The following SSRP1 variants were observed in gnomAD, a reference collection of about 807,000 sequenced individuals.
SSRP1 encodes structure specific recognition protein 1.
In SSRP1, 21 loss-of-function variants were observed where a neutral mutation model predicts 84.4. The observed-to-expected ratio is 0.25, with a 90% CI of 0.18 to 0.36. SSRP1 has a LOEUF of 0.36. Ranked by LOEUF, SSRP1 falls within the 10% of genes least tolerant of loss-of-function variation. SSRP1 has a pLI of 1.00. For synonymous variants in SSRP1, 319 were observed against 318.3 expected (o/e 1.00, Z -0.02); for missense variants, 519 against 900.8 (o/e 0.58, Z 5.43).
At chr11:57,331,078 G>A (rs1268394234) in intron 9 of SSRP1, 151 bp from the exon 10 acceptor site, 11 of 777,384 alleles carry the variant, frequency 1.4e-5, no homozygotes, top group Non-Finnish European at 2.1e-5. Flanking sequence ...ACCCCCAGAG[G>A]ACAGCAGTAA....
rs1275809947 is a variant in SSRP1 at position 57,326,805 on chromosome 11, G to A, written c.1956C>T (p.Ser652=). Residue 652 remains serine, a synonymous_variant, in exon 16 of 17, where the codon TCC becomes TCT. Coordinates refer to ENST00000278412, the MANE Select transcript of SSRP1 (RefSeq NM_003146.3). The stretch of plus-strand genomic sequence containing the variant: ...TGAAGCTCTCGCTTAGCTGCCTTGA[G>A]GACGACTTGGATGATGAGCCCCTAG... ...TPSRGSSSKS[S]SRQLSESFKS... 6.2e-7 allele frequency: 1 copy of A among 1,614,234 alleles called. No homozygotes were observed. The highest frequency in any genetic ancestry group is 2.2e-5 in the East Asian group (1 of 44,888).
At position 57,332,811 on chromosome 11, in the gene SSRP1, G is replaced by A. The variant is rs774936831; in HGVS notation, c.582C>T (p.Ala194=). 4 of 1,614,022 alleles carry A rather than the reference G, an allele frequency of 2.5e-6. No individual in the cohort carries two copies. The South Asian group carries it at 3.3e-5, about 13-fold the overall frequency. ...NVLSKADVIQ[A]TGDAICIFRE... is the part of the protein sequence containing the mutation. ...GGAAGATGCAGATGGCATCTCCCGT[G>A]GCCTGGATTACATCCGCCTTTGACA... The change falls in exon 6 of 17, where the codon GCC becomes GCT. Residue 194 remains alanine, a synonymous_variant. Coordinates refer to ENST00000278412, the MANE Select transcript of SSRP1 (RefSeq NM_003146.3). This position sits in a 1 kb window ranked among gnomAD's most constrained non-coding sequence, Gnocchi z 5.5.
At chr11:57,333,289 C>T (rs1000723699) in intron 4 of SSRP1, 140 bp from the exon 5 acceptor site, 2 of 1,125,496 alleles carry the variant, frequency 1.8e-6, no homozygotes, top group Admixed American at 2.1e-5. Context: ...AGGCAGTATA[C>T]TGTAGGTACT....
rs1232401028 is a variant in SSRP1 at position 57,327,748 on chromosome 11, G to C, written c.1746C>G (p.Gly582=). The C allele has an allele frequency of 6.2e-7, 1 of 1,613,886 alleles. No homozygotes were observed. The highest frequency in any genetic ancestry group is 8.5e-7 in the Non-Finnish European group (1 of 1,179,992). ...CTTTGGACATTCCCTTCCAGATCTC[G>C]CCTGCCTTCTTGGAAAGATCCGTGA... ...ISITDLSKKA[G]EIWKGMSKEK... is the part of the protein sequence containing the mutation. Residue 582 remains glycine, a synonymous_variant, in exon 14 of 17, where the codon GGC becomes GGG. Transcript: ENST00000278412.
intron 13 of SSRP1, 62 bp downstream of exon 13, chr11:57,328,234 GA>G: frequency 6.3e-7 from 1 of 1,585,720 alleles, no homozygotes; most frequent in Admixed American, 1.8e-5. Context: ...AAGGTAAAGA[GA>G]ATGCCTCCCA....
Position 57,330,462 on chromosome 11 carries a change from T to A in SSRP1, c.1297-33A>T, listed in dbSNP as rs1448271751. On this transcript the variant is annotated intron_variant, in intron 10 of 16. Coordinates refer to ENST00000278412, the MANE Select transcript of SSRP1 (RefSeq NM_003146.3). The surrounding 1 kb of genome is among the most constrained non-coding windows in gnomAD (Gnocchi z 4.0). ...GGGAAGAGTTCACGGTGGGGCCAACTCACCCTCGAGCCAGAATCCCTGCAC... is the reference window on the plus strand; with the variant it reads ...GGGAAGAGTTCACGGTGGGGCCAACACACCCTCGAGCCAGAATCCCTGCAC... 6.2e-7 allele frequency: 1 copy of A among 1,611,050 alleles called. No homozygotes were observed. Among genetic ancestry groups the A allele is most frequent in the Admixed American group, 1.7e-5 (1 of 59,960 alleles).
rs1856108655 is a variant in SSRP1 at position 57,332,301 on chromosome 11, G to A, written c.873-21C>T. On this transcript the variant is annotated intron_variant, in intron 7 of 16. Coordinates refer to ENST00000278412, the MANE Select transcript of SSRP1 (RefSeq NM_003146.3). This position sits in a 1 kb window ranked among gnomAD's most constrained non-coding sequence, Gnocchi z 5.5. Reference sequence around the variant, plus strand: ...CTTCCCTACAAAGAAAGCAAGGTGAGGTCACAACACTACTGCCTTCTAATG... The same window carrying A: ...CTTCCCTACAAAGAAAGCAAGGTGAAGTCACAACACTACTGCCTTCTAATG... 1.9e-6 allele frequency: 3 copies of A among 1,614,114 alleles called. No individual in the cohort carries two copies. The highest frequency in any genetic ancestry group is 2.5e-6 in the Non-Finnish European group (3 of 1,180,016).
chr11:57,335,508 C>T lies in SSRP1; in HGVS notation c.-120+222G>A. ...ACGAGCAGCGGAACCCCAGGGTCTGCCAGGAGCCCGCACATCGCACGCGAC... is the reference window on the plus strand; with the variant it reads ...ACGAGCAGCGGAACCCCAGGGTCTGTCAGGAGCCCGCACATCGCACGCGAC... On this transcript the variant is annotated intron_variant, in intron 1 of 16. Coordinates refer to ENST00000278412, the MANE Select transcript of SSRP1 (RefSeq NM_003146.3). This position sits in a 1 kb window ranked among gnomAD's most constrained non-coding sequence, Gnocchi z 4.6. 3.3e-6 allele frequency: 1 copy of T among 299,864 alleles called. No homozygotes were observed. The allele number at this position is 299,864 out of a possible 1,614,324, so 18.6% of individuals were successfully genotyped here.
intron 3 of SSRP1, among the ~76,000 whole-genome samples, 190 bp from the exon 4 acceptor site, chr11:57,333,730 A>G (rs531846429): frequency 1.7e-4 from 26 of 152,370 alleles, no homozygotes; most frequent in Non-Finnish European, 3.7e-4. Flanking sequence ...TGGATCTGAC[A>G]TTCCTGGTTA....
Position 57,331,682 on chromosome 11 carries a change from G to A in SSRP1, c.1209C>T (p.Phe403=). 1 of 1,613,856 alleles carries A rather than the reference G, an allele frequency of 6.2e-7. No individual in the cohort carries two copies. Among genetic ancestry groups the A allele is most frequent in the Non-Finnish European group, 8.5e-7 (1 of 1,179,756 alleles). Residue 403 remains phenylalanine (F), a synonymous_variant, in exon 9 of 17, where the codon TTC becomes TTT. Transcript: ENST00000278412. ...GAGGTTCTCACCTCTCAATGCTGCT[G>A]AAGGTATACTGAGTGCCCTGCTTGG... The part of the protein sequence containing the change: ...IETKQGTQYT[F]SSIEREEYGK...
In SSRP1 at chr11:57,335,644, T is replaced by C. The variant is rs1018199910; in HGVS notation, c.-120+86A>G. The C allele has an allele frequency of 3.1e-5, 5 of 159,888 alleles. No homozygotes were observed. The highest frequency in any genetic ancestry group is 1.2e-4 in the African/African-American group (5 of 41,668). 9.9% of individuals were successfully genotyped at this position (159,888 alleles called of 1,614,324 possible). On this transcript the variant is annotated intron_variant, in intron 1 of 16. Coordinates refer to ENST00000278412, the MANE Select transcript of SSRP1 (RefSeq NM_003146.3). This position sits in a 1 kb window ranked among gnomAD's most constrained non-coding sequence, Gnocchi z 4.6. ...TAATGGATTCGCCCGCTCCCCGCGGTTGCGAACGCGGAATGGTCCATGTCG... is the reference window on the plus strand; with the variant it reads ...TAATGGATTCGCCCGCTCCCCGCGGCTGCGAACGCGGAATGGTCCATGTCG...
At position 57,329,817 on chromosome 11, in the gene SSRP1, A is replaced by G; in HGVS notation, c.1481+276T>C. ...AAGTGGCAAGCACCAGCTCATTCCC[A>G]TTCTCTCCTCATCCAACTACGAACC... is the stretch of plus-strand genomic sequence containing the variant. On this transcript the variant is annotated intron_variant, in intron 12 of 16. Transcript: ENST00000278412. 5.5e-6 allele frequency: 3 copies of G among 541,226 alleles called. 1 individual carries two copies. Among genetic ancestry groups the G allele is most frequent in the South Asian group, 4.5e-5 (2 of 44,614 alleles). The allele number at this position is 541,226 out of a possible 1,614,324, so 33.5% of individuals were successfully genotyped here. A position where few individuals can be genotyped will look rare whatever the true frequency, so the allele number is the denominator to read the frequency against.
Position 57,328,356 on chromosome 11 carries a change from T to C in SSRP1, c.1552A>G (p.Lys518Glu). 6.2e-7 allele frequency: 1 copy of C among 1,614,204 alleles called. No homozygotes were observed. Among genetic ancestry groups the C allele is most frequent in the Non-Finnish European group, 8.5e-7 (1 of 1,180,040 alleles). The change falls in exon 13 of 17, where the codon AAA becomes GAA. Residue 518 changes from lysine to glutamate, a missense_variant. By Grantham distance (56) the Lys-to-Glu change is moderately conservative. Around this residue, in one of 7 missense-constraint regions of SSRP1, gnomAD observed 197 missense variants for 265.0 expected, o/e 0.74. Transcript: ENST00000278412. ...GCCATCTTGGCCTTTTTGAGCTGTT[T>C]CCGCTTCTTCTCATCCCGGTCACTG... ...GDSDRDEKKR[K>E]QLKKAKMAKD...
chr11:57,332,437 AG>A lies in SSRP1; in HGVS notation c.817del (p.Leu273Ter). The A allele has an allele frequency of 1.2e-6, 2 of 1,614,186 alleles. No homozygotes were observed. The highest frequency in any genetic ancestry group is 1.7e-6 in the Non-Finnish European group (2 of 1,180,026). Reference protein sequence around the residue: ...IKQGQTRYHFLILLFSKDEDI... With the variant: ...IKQGQTRYHFXILLFSKDEDI... ...CTCGTCCTTGGAGAAGAGGAGGATC[AG>A]GAAGTGGTAGCGAGTTTGGCCTTGC... On this transcript the variant is annotated frameshift_variant, in exon 7 of 17. Transcript: ENST00000278412. LOFTEE classifies it high-confidence loss of function. The surrounding 1 kb of genome is among the most constrained non-coding windows in gnomAD (Gnocchi z 5.5).
Position 57,328,286 on chromosome 11 carries a change from A to G in SSRP1, c.1611+11T>C. 3 of 1,613,780 alleles carry G rather than the reference A, an allele frequency of 1.9e-6. No homozygotes were observed. Among genetic ancestry groups the G allele is most frequent in the South Asian group, 2.2e-5 (2 of 91,032 alleles). ...GCACCACACACAGGCCCTCCCATCT[A>G]CAGTCTGCACCTCCACAGGCTTCTT... On this transcript the variant is annotated intron_variant, in intron 13 of 16. Coordinates refer to ENST00000278412, the MANE Select transcript of SSRP1 (RefSeq NM_003146.3).
chr11:57,331,881 CCT>C lies in SSRP1; in HGVS notation c.1008_1009del (p.Ala338ProfsTer35). The C allele has an allele frequency of 2.5e-6, 4 of 1,611,232 alleles. No individual in the cohort carries two copies. The highest frequency in any genetic ancestry group is 1.1e-5 in the South Asian group (1 of 90,688). On this transcript the variant is annotated frameshift_variant, in exon 9 of 17. Transcript: ENST00000278412. LOFTEE classifies it high-confidence loss of function. ...GTAGGAACAGGTAATGCACTGGGCC[CCT>C]GAGTGCCTGACAGAGGGTGCAGGGA...
At chr11:57,333,314 T>C (rs1856134065) in intron 4 of SSRP1, 121 bp downstream of exon 4, 3 of 1,149,114 alleles carry the variant, frequency 2.6e-6, no homozygotes, top group African/African-American at 3.1e-5. Flanking sequence ...AAACACATGA[T>C]GAACATGCAA....
At chr11:57,334,244 T>C (rs1306361418) in intron 3 of SSRP1, among the ~76,000 whole-genome samples, 1 of 152,108 alleles carries the variant, frequency 6.6e-6, no homozygotes, top group Non-Finnish European at 1.5e-5. Flanking sequence ...ACTATCTAAA[T>C]CAAGACAGAA....
chr11:57,335,510 A>C lies in SSRP1; in HGVS notation c.-120+220T>G, dbSNP rs1463303926. On this transcript the variant is annotated intron_variant, in intron 1 of 16. Transcript: ENST00000278412. This position sits in a 1 kb window ranked among gnomAD's most constrained non-coding sequence, Gnocchi z 4.6. Reference sequence around the variant, plus strand: ...GAGCAGCGGAACCCCAGGGTCTGCCAGGAGCCCGCACATCGCACGCGACCC... The same window carrying C: ...GAGCAGCGGAACCCCAGGGTCTGCCCGGAGCCCGCACATCGCACGCGACCC... The C allele has an allele frequency of 1.0e-5, 3 of 300,346 alleles. No homozygotes were observed. Among genetic ancestry groups the C allele is most frequent in the Non-Finnish European group, 2.0e-5 (3 of 150,922 alleles). The allele number at this position is 300,346 out of a possible 1,614,324, so 18.6% of individuals were successfully genotyped here. A position where few individuals can be genotyped will look rare whatever the true frequency, so the allele number is the denominator to read the frequency against.
Sources: allele counts gnomAD v4.1 joint callset (sites outside exome capture counted in the v4.1 genomes callset), GRCh38; gene constraint gnomAD v4.1.1; regional missense constraint gnomAD v4.1.1; non-coding constraint Gnocchi (gnomAD v3.1); transcripts MANE v1.5; gene names NCBI Gene and HGNC (gene_info 2026-07-23, HGNC 2026-07-21).